Variants in IQSEC3 observed in about 807,000 individuals in gnomAD.
IQSEC3 encodes IQ motif and Sec7 domain ArfGEF 3.
A neutral mutation model predicts 105.4 loss-of-function variants in IQSEC3; 50 were observed. The ratio of observed to expected loss-of-function variants is 0.47; its 90% confidence interval spans 0.38 to 0.60. The LOEUF (loss-of-function observed/expected upper bound fraction) is 0.60, where lower values mean the gene tolerates loss of function less well. Among genes scored for constraint, IQSEC3 ranks in the 20% least tolerant of loss-of-function variants. The probability of loss-of-function intolerance (pLI) is 0.00; values close to 1 mark genes in which losing one functional copy is unlikely to be tolerated. For synonymous variants in IQSEC3, 708 were observed against 746.0 expected (o/e 0.95, Z 0.83); for missense variants, 1,415 against 1,630.0 (o/e 0.87, Z 2.27).
At chr12:101,721 C>G (rs1785786338) in intron 2 of IQSEC3, among the ~76,000 whole-genome samples, 1 of 152,164 alleles carries the variant, frequency 6.6e-6, no homozygotes, top group Non-Finnish European at 1.5e-5. Context: ...GTCTGTCTGT[C>G]TGATGTGGCT....
chr12:168,393 T>TGTCCTCCCAGGCAGGCTCC (rs1232273213), intron 11 of IQSEC3, among the ~76,000 whole-genome samples: 126 of 152,220 alleles, frequency 8.3e-4, no homozygotes, highest in African/African-American at 2.8e-3. Context: ...AGGCAGGCTC[T>TGTCCTCCCAGGCAGGCTCC]GTCCTCCCAG....
At chr12:107,977 T>C (rs1864738227) in intron 2 of IQSEC3, among the ~76,000 whole-genome samples, 1 of 152,204 alleles carries the variant, frequency 6.6e-6, no homozygotes, top group African/African-American at 2.4e-5. Flanking sequence ...CTCTTCCTCC[T>C]CCTCTTCAGA....
intron 9 of IQSEC3, 84 bp downstream of exon 9, chr12:163,703 G>A: frequency 1.2e-6 from 1 of 829,464 alleles, no homozygotes; most frequent in African/African-American, 1.7e-5. Context: ...CCTGAAGTGG[G>A]CAGGAAAGGA....
chr12:68,455 G>T, intron 1 of IQSEC3, among the ~76,000 whole-genome samples: 1 of 152,122 alleles, frequency 6.6e-6, no homozygotes, highest in Non-Finnish European at 1.5e-5. Context: ...AGAACTTCAA[G>T]CTCTTTCTTC....
intron 1 of IQSEC3, among the ~76,000 whole-genome samples, chr12:71,502 TTA>T (rs2136859099): frequency 6.6e-6 from 1 of 152,398 alleles, no homozygotes; most frequent in African/African-American, 2.4e-5. Flanking sequence ...AGTATACAAA[TTA>T]TGTTAACAGC....
intron 1 of IQSEC3, among the ~76,000 whole-genome samples, chr12:97,634 G>C (rs930089763): frequency 2.0e-5 from 3 of 152,184 alleles, no homozygotes; most frequent in Non-Finnish European, 4.4e-5. Flanking sequence ...GGGCAACATA[G>C]TGAGACCTCT....
intron 2 of IQSEC3, among the ~76,000 whole-genome samples, chr12:124,586 G>A (rs927343752): frequency 3.3e-5 from 5 of 152,252 alleles, no homozygotes; most frequent in East Asian, 1.9e-4. Flanking sequence ...CCACACAGTC[G>A]TAGAGCTTGA....
rs1555087443 is a variant in IQSEC3, at chr12:138,619, C to T, written c.1256C>T (p.Thr419Met). 3.1e-6 allele frequency: 5 copies of T among 1,587,834 alleles called. No homozygotes were observed. Among genetic ancestry groups the T allele is most frequent in the Non-Finnish European group, 4.3e-6 (5 of 1,174,686 alleles). ...LAKSIDDALS[T>M]WSLKTMCSLR... is the part of the protein sequence containing the mutation. The stretch of plus-strand genomic sequence containing the variant: ...AAGTCCATCGACGACGCGCTCAGCA[C>T]GTGGAGCCTCAAGACCATGTGCTCC... The change falls in exon 4 of 14, where the codon ACG becomes ATG. Residue 419 changes from threonine (T) to methionine (M), a missense_variant. Thr to Met is a moderately conservative substitution (Grantham distance 81). This residue lies in a region of IQSEC3 where 720 missense variants were observed against 633.0 expected (regional missense o/e 1.14). Coordinates refer to ENST00000538872, the MANE Select transcript of IQSEC3 (RefSeq NM_001170738.2). The surrounding 1 kb of genome is among the most constrained non-coding windows in gnomAD (Gnocchi z 7.1).
chr12:126,544 G>GGTGTGT (rs56871643), intron 3 of IQSEC3, among the ~76,000 whole-genome samples: 27,330 of 145,656 alleles, frequency 0.19, 2,703 homozygotes, highest in Non-Finnish European at 0.23. Flanking sequence ...CTTGATGGAA[G>GGTGTGT]GTGTGTGTGT....
At position 149,572 on chromosome 12, in the gene IQSEC3, G is replaced by T. The variant is rs116666599; in HGVS notation, c.2154-7453G>T. On this transcript the variant is annotated intron_variant, in intron 5 of 13. Coordinates refer to ENST00000538872, the MANE Select transcript of IQSEC3 (RefSeq NM_001170738.2). ...TCATTCATTCATCCCACAAAACAGT[G>T]ATTGGGTGCCCATACACCAGGGAGG... Among the ~76,000 whole-genome samples, 187 of 152,338 alleles carry T rather than the reference G, an allele frequency of 1.2e-3. 1 individual carries two copies. Among genetic ancestry groups the T allele is most frequent in the African/African-American group, 4.4e-3 (184 of 41,580 alleles).
chr12:101,557 G>A (rs1353848073), intron 2 of IQSEC3, among the ~76,000 whole-genome samples: 1 of 152,156 alleles, frequency 6.6e-6, no homozygotes, highest in Non-Finnish European at 1.5e-5. Context: ...TATACACCCT[G>A]CTTACGGGGG....
At chr12:104,128 C>T (rs913795659) in intron 2 of IQSEC3, among the ~76,000 whole-genome samples, 1 of 152,096 alleles carries the variant, frequency 6.6e-6, no homozygotes, top group Non-Finnish European at 1.5e-5. Context: ...GTGCTGGGCA[C>T]TCTTGATATT....
chr12:149,635 G>A lies in IQSEC3; in HGVS notation c.2154-7390G>A, dbSNP rs148379209. ...TAACTGCCCTATCTTGAAGGAGCCC[G>A]TAGCCTCGTGGGGAAGACAGGCAGG... On this transcript the variant is annotated intron_variant, in intron 5 of 13. Transcript: ENST00000538872. 3.6e-3 allele frequency among the ~76,000 whole-genome samples: 552 copies of A among 152,316 alleles called. 2 individuals are homozygous for A. Among genetic ancestry groups the A allele is most frequent in the African/African-American group, 0.012 (508 of 41,556 alleles).
intron 1 of IQSEC3, among the ~76,000 whole-genome samples, chr12:83,127 T>A (rs1347372012): frequency 6.6e-6 from 1 of 152,094 alleles, no homozygotes; most frequent in Non-Finnish European, 1.5e-5. Flanking sequence ...AATTAAAATG[T>A]GATGAGCTGG....
chr12:82,359 G>C (rs12831682), intron 1 of IQSEC3, among the ~76,000 whole-genome samples: 1 of 152,184 alleles, frequency 6.6e-6, no homozygotes, highest in Non-Finnish European at 1.5e-5. Context: ...CTAATAAAAT[G>C]TGTAAAAGAT....
chr12:169,547 C>T, intron 12 of IQSEC3, among the ~76,000 whole-genome samples: 1 of 152,144 alleles, frequency 6.6e-6, no homozygotes, highest in South Asian at 2.1e-4. Context: ...CTGTACAGTC[C>T]CTTCTCTAAT....
intron 4 of IQSEC3, 79 bp downstream of exon 4, chr12:139,433 C>A: frequency 2.4e-6 from 3 of 1,235,422 alleles, no homozygotes; most frequent in Non-Finnish European, 3.3e-6. Context: ...TTCCCTCCAC[C>A]AAGCAGGGCG....
intron 2 of IQSEC3, among the ~76,000 whole-genome samples, chr12:99,938 GC>G (rs1307346877): frequency 1.4e-5 from 1 of 73,782 alleles, no homozygotes; most frequent in South Asian, 5.0e-4. Context: ...CTCCCCACCC[GC>G]CCCCCGATCT....
At chr12:165,657 C>T in intron 10 of IQSEC3, 72 bp from the exon 11 acceptor site, 1 of 1,596,560 alleles carries the variant, frequency 6.3e-7, no homozygotes, top group African/African-American at 1.3e-5. Context: ...GTGCCCTCCT[C>T]ATGTCTGGCT....
Sources: allele counts gnomAD v4.1 joint callset (sites outside exome capture counted in the v4.1 genomes callset), GRCh38; gene constraint gnomAD v4.1.1; regional missense constraint gnomAD v4.1.1; non-coding constraint Gnocchi (gnomAD v3.1); transcripts MANE v1.5; gene names NCBI Gene and HGNC (gene_info 2026-07-23, HGNC 2026-07-21).